Variants in PTPRN2 observed in about 807,000 individuals in gnomAD.
PTPRN2 encodes the protein protein tyrosine phosphatase receptor type N2, also known as receptor-type tyrosine-protein phosphatase N2.
In PTPRN2, 74 loss-of-function variants were observed where a neutral mutation model predicts 118.8. That is an observed-to-expected ratio of 0.62 (90% CI 0.52 to 0.76). The LOEUF (loss-of-function observed/expected upper bound fraction) is 0.76. Ranked by LOEUF, PTPRN2 falls within the 30% of genes least tolerant of loss-of-function variation. The pLI, the probability that PTPRN2 is intolerant of heterozygous loss-of-function variation, is 0.00. For synonymous variants in PTPRN2, 641 were observed against 608.0 expected (o/e 1.05, Z -0.80); for missense variants, 1,481 against 1,394.4 (o/e 1.06, Z -0.99).
At chr7:158,443,582 C>T (rs115028187) in intron 2 of PTPRN2, among the ~76,000 whole-genome samples, 2,995 of 152,156 alleles carry the variant, frequency 0.02, 96 homozygotes, top group African/African-American at 0.068. Flanking sequence ...GCGACTCCTC[C>T]CAACAGGGGG....
rs2150566977 is a variant in PTPRN2, at chr7:157,596,035, G to T, written c.2419-720C>A. Among the ~76,000 whole-genome samples the T allele has an allele frequency of 6.6e-6, 1 of 152,332 alleles. No individual in the cohort carries two copies. Among genetic ancestry groups the T allele is most frequent in the South Asian group, 2.1e-4 (1 of 4,824 alleles). ...CCTGGCCACGGAGCCCACCCAGGCT[G>T]CCCTGTGTTCAGGAGAACGAGCCTC... On this transcript the variant is annotated intron_variant, in intron 16 of 22. Transcript: ENST00000389418. The surrounding 1 kb of genome is among the most constrained non-coding windows in gnomAD (Gnocchi z 4.2).
intron 2 of PTPRN2, among the ~76,000 whole-genome samples, chr7:158,332,780 C>G (rs1335809612): frequency 2.6e-5 from 4 of 151,680 alleles, no homozygotes; most frequent in Non-Finnish European, 4.4e-5. Context: ...CATACTCTCA[C>G]CATAAGAGCT....
intron 2 of PTPRN2, among the ~76,000 whole-genome samples, chr7:158,415,994 C>T (rs976406625): frequency 2.3e-4 from 35 of 152,218 alleles, no homozygotes; most frequent in African/African-American, 6.8e-4. Flanking sequence ...CACCACAGTC[C>T]TGTCTCTTCT....
chr7:157,731,516 C>T (rs867540781), intron 12 of PTPRN2, among the ~76,000 whole-genome samples: 6,046 of 117,494 alleles, frequency 0.051, 349 homozygotes, highest in African/African-American at 0.2. Flanking sequence ...GCACAGTTAC[C>T]CTTTCCCGTC....
chr7:157,651,143 AC>A (rs2150725785), intron 14 of PTPRN2, among the ~76,000 whole-genome samples: 1 of 152,152 alleles, frequency 6.6e-6, no homozygotes, highest in South Asian at 2.1e-4. Flanking sequence ...GGCTGGCAGC[AC>A]CCCCTCCCTC....
At position 158,034,363 on chromosome 7, in the gene PTPRN2, A is replaced by G. The variant is rs185944842; in HGVS notation, c.1723+46935T>C. On this transcript the variant is annotated intron_variant, in intron 11 of 22. Transcript: ENST00000389418. ...TTGAATTGTAACTGCCACAATTCCCATGTGTCATGGGAAGACCCCAGTGGG... is the reference window on the plus strand; with the variant it reads ...TTGAATTGTAACTGCCACAATTCCCGTGTGTCATGGGAAGACCCCAGTGGG... Among the ~76,000 whole-genome samples, 545 of 152,342 alleles carry G rather than the reference A, an allele frequency of 3.6e-3. 2 individuals are homozygous for G. The highest frequency in any genetic ancestry group is 0.012 in the African/African-American group (519 of 41,578).
At chr7:158,508,843 G>C (rs1196134400) in intron 1 of PTPRN2, among the ~76,000 whole-genome samples, 2 of 75,104 alleles carry the variant, frequency 2.7e-5, no homozygotes, top group African/African-American at 1.3e-4. Context: ...GGCAACGTGG[G>C]ACGCTCGGAG....
At chr7:158,375,395 G>A (rs1810422308) in intron 2 of PTPRN2, among the ~76,000 whole-genome samples, 1 of 152,230 alleles carries the variant, frequency 6.6e-6, no homozygotes, top group African/African-American at 2.4e-5. Flanking sequence ...GACATTTTAG[G>A]AGAGCATGCA....
intron 3 of PTPRN2, among the ~76,000 whole-genome samples, chr7:158,267,596 G>A (rs532100000): frequency 6.6e-6 from 1 of 152,308 alleles, no homozygotes; most frequent in Non-Finnish European, 1.5e-5. Flanking sequence ...ATCTGAGCGG[G>A]ATCACCGTGG....
At chr7:158,137,183 C>T (rs1327275505) in intron 7 of PTPRN2, among the ~76,000 whole-genome samples, 1 of 152,152 alleles carries the variant, frequency 6.6e-6, no homozygotes, top group Non-Finnish European at 1.5e-5. Flanking sequence ...CTTTGGGAGG[C>T]CAAGGTGGGC....
intron 9 of PTPRN2, among the ~76,000 whole-genome samples, chr7:158,125,559 C>T (rs1563469491): frequency 6.6e-6 from 1 of 152,202 alleles, no homozygotes; most frequent in Non-Finnish European, 1.5e-5. Flanking sequence ...CATGTTTACC[C>T]ATCGGGGCTA....
chr7:157,585,492 TC>T lies in PTPRN2; in HGVS notation c.2497-7353del, dbSNP rs1222076971. Among the ~76,000 whole-genome samples the T allele has an allele frequency of 6.6e-6, 1 of 152,094 alleles. No individual in the cohort carries two copies. Among genetic ancestry groups the T allele is most frequent in the Non-Finnish European group, 1.5e-5 (1 of 68,014 alleles). On this transcript the variant is annotated intron_variant, in intron 17 of 22. Transcript: ENST00000389418. The surrounding 1 kb of genome is among the most constrained non-coding windows in gnomAD (Gnocchi z 5.2). ...TGGGAATGCACTCACACACTGGACT[TC>T]CTCTCCACCCGGCCTTTGTGTGACC...
At chr7:157,554,935 G>A (rs904330897) in intron 21 of PTPRN2, among the ~76,000 whole-genome samples, 2 of 148,842 alleles carry the variant, frequency 1.3e-5, no homozygotes, top group South Asian at 2.1e-4. Context: ...GGGAAGTGAC[G>A]CAGGCTGCCA....
intron 2 of PTPRN2, among the ~76,000 whole-genome samples, chr7:158,342,009 C>A (rs1282168717): frequency 6.8e-6 from 1 of 148,028 alleles, no homozygotes; most frequent in Non-Finnish European, 1.5e-5. Flanking sequence ...CACCTGCAGA[C>A]GTCACTCACA....
intron 12 of PTPRN2, among the ~76,000 whole-genome samples, chr7:157,887,042 A>G (rs13223510): frequency 6.6e-6 from 1 of 151,000 alleles, no homozygotes; most frequent in Non-Finnish European, 1.5e-5. Context: ...TCCTGGGGCC[A>G]TCGAAGTCCT....
chr7:158,084,881 T>C (rs1391477760), intron 10 of PTPRN2, among the ~76,000 whole-genome samples: 41 of 86,678 alleles, frequency 4.7e-4, no homozygotes, highest in Admixed American at 7.9e-4. Context: ...ACACCCATGA[T>C]GCCCATCCAC....
intron 2 of PTPRN2, among the ~76,000 whole-genome samples, chr7:158,326,750 TCACATGCACGTTTCA>T (rs535015201): frequency 9.4e-5 from 14 of 148,206 alleles, no homozygotes; most frequent in African/African-American, 3.0e-4. Context: ...ATGCACATTC[TCACATGCACGTTTCA>T]CACATGCTCA....
chr7:158,561,994 C>T (rs1827420229), intron 1 of PTPRN2, among the ~76,000 whole-genome samples: 1 of 152,192 alleles, frequency 6.6e-6, no homozygotes, highest in Non-Finnish European at 1.5e-5. Context: ...CTGCCTCTCT[C>T]TCGTGCGAAG....
intron 22 of PTPRN2, among the ~76,000 whole-genome samples, chr7:157,544,139 G>GCGGAGAGAGA (rs955786275): frequency 2.7e-5 from 4 of 149,078 alleles, no homozygotes; most frequent in Non-Finnish European, 5.9e-5. Context: ...GCGGAGAGAG[G>GCGGAGAGAGA]CGGAGAGAGA....
Sources: gnomAD v4.1 joint callset for allele counts (sites outside exome capture counted in the v4.1 genomes callset) on GRCh38, gnomAD v4.1.1 for gene constraint, Gnocchi (gnomAD v3.1) non-coding constraint, MANE v1.5 for transcripts, NCBI Gene and HGNC (gene_info 2026-07-23, HGNC 2026-07-21) for gene names.